The following RASGRP1 variants were observed in gnomAD, a reference collection of about 807,000 sequenced individuals.
RASGRP1 encodes RAS guanyl-releasing protein 1.
In RASGRP1, 37 loss-of-function variants were observed where a neutral mutation model predicts 95.1. The observed-to-expected ratio is 0.39, with a 90% CI of 0.30 to 0.51. The LOEUF (loss-of-function observed/expected upper bound fraction) is 0.51, where lower values mean the gene tolerates loss of function less well. RASGRP1 is among the 20% of genes least tolerant of loss of function. RASGRP1 has a pLI of 0.80. For missense variants in RASGRP1, 711 were observed against 965.4 expected, an observed-to-expected ratio of 0.74 and a Z score of 3.49; for synonymous variants, 325 against 353.4, an observed-to-expected ratio of 0.92 and a Z score of 0.90.
intron 10 of RASGRP1, chr15:38,504,308 CTTTTAA>C (rs2141096523): frequency 6.6e-6 from 1 of 151,998 alleles, no homozygotes; most frequent in East Asian, 1.9e-4. Context: ...ACTGTAAAAG[CTTTTAA>C]TTTTTTTAAC....
intron 15 of RASGRP1, among the ~76,000 whole-genome samples, chr15:38,495,969 T>G (rs189267157): frequency 1.8e-3 from 269 of 152,220 alleles, no homozygotes; most frequent in African/African-American, 6.3e-3. Flanking sequence ...CTATACACTT[T>G]GAGGAGCAAA....
intron 3 of RASGRP1, among the ~76,000 whole-genome samples, chr15:38,524,642 C>T (rs911264514): frequency 1.3e-5 from 2 of 152,066 alleles, no homozygotes; most frequent in Non-Finnish European, 2.9e-5. Context: ...CACACAGTTA[C>T]GAAGTGAGGA....
At chr15:38,542,802 TG>T (rs1371082695) in intron 2 of RASGRP1, among the ~76,000 whole-genome samples, 1 of 148,566 alleles carries the variant, frequency 6.7e-6, no homozygotes, top group Non-Finnish European at 1.5e-5. Flanking sequence ...TAGCATAAAA[TG>T]AAGTTCTTGT....
intron 16 of RASGRP1, among the ~76,000 whole-genome samples, chr15:38,491,669 C>T (rs1890590901): frequency 6.6e-6 from 1 of 152,022 alleles, no homozygotes; most frequent in Non-Finnish European, 1.5e-5. Flanking sequence ...ATGGATAGGA[C>T]TGTTGAATTA....
intron 14 of RASGRP1, chr15:38,499,184 T>C (rs1354206101): frequency 1.5e-6 from 1 of 660,902 alleles, no homozygotes; most frequent in Non-Finnish European, 2.8e-6. Context: ...TATCCTGATA[T>C]CTTGGAGGGA....
chr15:38,547,414 A>C (rs1425025845), intron 2 of RASGRP1, among the ~76,000 whole-genome samples: 1 of 152,186 alleles, frequency 6.6e-6, no homozygotes, highest in Non-Finnish European at 1.5e-5. Context: ...GACTTGGTAC[A>C]TCAATGCTCC....
intron 8 of RASGRP1, among the ~76,000 whole-genome samples, chr15:38,508,202 A>G (rs1891341559): frequency 6.6e-6 from 1 of 152,258 alleles, no homozygotes; most frequent in Non-Finnish European, 1.5e-5. Context: ...GAATATATTT[A>G]TAAACACAAG....
At chr15:38,493,275 T>G (rs1890668587) in intron 16 of RASGRP1, among the ~76,000 whole-genome samples, 1 of 149,538 alleles carries the variant, frequency 6.7e-6, no homozygotes, top group African/African-American at 2.5e-5. Context: ...CCTCCCGGGT[T>G]CAAGTGATTC....
chr15:38,488,990 G>C lies in RASGRP1; in HGVS notation c.*1564C>G, dbSNP rs1416975698. On this transcript the variant is annotated 3_prime_UTR_variant, in exon 17 of 17. Coordinates refer to ENST00000310803, the MANE Select transcript of RASGRP1 (RefSeq NM_005739.4). ...GCTAGTTCTATATCACTAAAACTCA[G>C]TGCAAGGAGGAACTCAAATGGGAAC... 6.6e-6 allele frequency: 1 copy of C among 151,988 alleles called. No homozygotes were observed. Among genetic ancestry groups the C allele is most frequent in the East Asian group, 1.9e-4 (1 of 5,202 alleles). 9.4% of individuals were successfully genotyped at this position (151,988 alleles called of 1,614,324 possible). A position where few individuals can be genotyped will look rare whatever the true frequency, so the allele number is the denominator to read the frequency against.
intron 1 of RASGRP1, among the ~76,000 whole-genome samples, chr15:38,564,164 C>T (rs1893928202): frequency 6.6e-6 from 1 of 152,200 alleles, no homozygotes; most frequent in Admixed American, 6.5e-5. Context: ...GCTCCTCGGC[C>T]GTTCTGGGCA....
chr15:38,503,085 T>C, intron 11 of RASGRP1, 187 bp downstream of exon 11: 2 of 596,956 alleles, frequency 3.4e-6, no homozygotes, highest in East Asian at 5.6e-5. Flanking sequence ...ACTGCCTTCA[T>C]ATGAGTCCAG....
At chr15:38,511,858 C>A in intron 7 of RASGRP1, 138 bp from the exon 8 acceptor site, 1 of 620,946 alleles carries the variant, frequency 1.6e-6, no homozygotes, top group East Asian at 2.8e-5. Context: ...TTGCAATTTC[C>A]TGTCCATGTC....
chr15:38,547,813 G>A (rs1029771390), intron 2 of RASGRP1, among the ~76,000 whole-genome samples: 2 of 152,124 alleles, frequency 1.3e-5, no homozygotes, highest in East Asian at 3.9e-4. Flanking sequence ...GAAATCAGCT[G>A]TGGCACAGTC....
intron 2 of RASGRP1, among the ~76,000 whole-genome samples, chr15:38,546,163 G>A (rs1437166715): frequency 1.3e-5 from 2 of 152,176 alleles, no homozygotes; most frequent in Non-Finnish European, 2.9e-5. Context: ...CTGTTTTTGA[G>A]TATGTACTGC....
chr15:38,516,396 A>C (rs2141122896), intron 5 of RASGRP1, 46 bp from the exon 6 acceptor site: 1 of 1,567,168 alleles, frequency 6.4e-7, no homozygotes, highest in East Asian at 2.2e-5. Flanking sequence ...AAAAGGAATA[A>C]ATCGCTTTTT....
intron 2 of RASGRP1, among the ~76,000 whole-genome samples, chr15:38,537,335 A>C (rs1015259543): frequency 1.3e-5 from 2 of 152,198 alleles, no homozygotes; most frequent in East Asian, 3.9e-4. Context: ...GCTTCTGGGA[A>C]GCCCTCAGGA....
At chr15:38,509,555 C>T (rs28566669) in intron 8 of RASGRP1, among the ~76,000 whole-genome samples, 6,517 of 152,132 alleles carry the variant, frequency 0.043, 352 homozygotes, top group African/African-American at 0.12. Flanking sequence ...GGTGAAACCC[C>T]GTCTCTACTA....
chr15:38,560,329 C>A, intron 1 of RASGRP1: 2 of 325,866 alleles, frequency 6.1e-6, no homozygotes, highest in Non-Finnish European at 1.2e-5. Flanking sequence ...GCAATGTATA[C>A]ATTTTTTCAG....
At position 38,502,487 on chromosome 15, in the gene RASGRP1, T is replaced by C. The variant is rs1891073150; in HGVS notation, c.1429-66A>G. On this transcript the variant is annotated intron_variant, in intron 11 of 16. Coordinates refer to ENST00000310803, the MANE Select transcript of RASGRP1 (RefSeq NM_005739.4). ...CCGGTCTTCTCTCCCTTTAGTCAAA[T>C]GACAAAGAGCTGGGGCAGTTGGATA... is the stretch of plus-strand genomic sequence containing the variant. 5.0e-6 allele frequency: 5 copies of C among 1,006,834 alleles called. No homozygotes were observed. In the Admixed American group the frequency reaches 1.1e-4, roughly 21 times the overall value. 62.4% of individuals were successfully genotyped at this position (1,006,834 alleles called of 1,614,324 possible). A position where few individuals can be genotyped will look rare whatever the true frequency, so the allele number is the denominator to read the frequency against.
Sources: allele counts gnomAD v4.1 joint callset (sites outside exome capture counted in the v4.1 genomes callset), GRCh38; gene constraint gnomAD v4.1.1; transcripts MANE v1.5; gene names NCBI Gene and HGNC (gene_info 2026-07-23, HGNC 2026-07-21).